The following CREB3L2 variants were observed in gnomAD, a reference collection of about 807,000 sequenced individuals.
CREB3L2 encodes the protein cAMP responsive element binding protein 3 like 2, also known as cyclic AMP-responsive element-binding protein 3-like protein 2.
Under a neutral mutation model 57.2 loss-of-function variants are expected in CREB3L2, and 23 were observed. That is an observed-to-expected ratio of 0.40 (90% CI 0.29 to 0.57). The LOEUF (loss-of-function observed/expected upper bound fraction) is 0.57, where lower values mean the gene tolerates loss of function less well. Ranked by LOEUF, CREB3L2 falls within the 20% of genes least tolerant of loss-of-function variation. CREB3L2 has a pLI of 0.42. For missense variants in CREB3L2, 628 were observed against 634.7 expected (o/e 0.99, Z 0.11); for synonymous variants, 268 against 265.1 (o/e 1.01, Z -0.11).
chr7:137,905,546 G>A (rs1585610895), intron 6 of CREB3L2, among the ~76,000 whole-genome samples, 156 bp downstream of exon 6: 1 of 152,050 alleles, frequency 6.6e-6, no homozygotes, highest in East Asian at 1.9e-4. Flanking sequence ...GGCACGTGGT[G>A]AGGGTGCTCC....
intron 2 of CREB3L2, among the ~76,000 whole-genome samples, chr7:137,920,629 C>T (rs564100574): frequency 6.6e-6 from 1 of 152,306 alleles, no homozygotes; most frequent in African/African-American, 2.4e-5. Flanking sequence ...GAATCTATTA[C>T]AATGAAATGA....
rs1481599660 is a variant in CREB3L2, at chr7:137,876,269, T to C, written c.*4207A>G. The C allele has an allele frequency of 1.3e-5, 3 of 232,446 alleles. No homozygotes were observed. Among genetic ancestry groups the C allele is most frequent in the African/African-American group, 6.6e-5 (3 of 45,154 alleles). 14.4% of individuals were successfully genotyped at this position (232,446 alleles called of 1,614,324 possible). On this transcript the variant is annotated 3_prime_UTR_variant, in exon 12 of 12. Transcript: ENST00000330387. ...CCAGTGACGAGGGATTCCTCAGTCATCCTGGATTTACCTATAAGGCACATT... is the reference window on the plus strand; with the variant it reads ...CCAGTGACGAGGGATTCCTCAGTCACCCTGGATTTACCTATAAGGCACATT...
At chr7:137,956,678 T>C (rs1464228372) in intron 1 of CREB3L2, 1 of 1,258,406 alleles carries the variant, frequency 7.9e-7, no homozygotes. Flanking sequence ...AATTTAACAA[T>C]GATAGTTATT....
intron 8 of CREB3L2, among the ~76,000 whole-genome samples, chr7:137,889,357 C>T (rs1799489295): frequency 6.6e-6 from 1 of 152,172 alleles, no homozygotes; most frequent in Non-Finnish European, 1.5e-5. Flanking sequence ...CTGGAGAGAG[C>T]AGAGAGGGCT....
intron 1 of CREB3L2, among the ~76,000 whole-genome samples, chr7:137,986,958 T>C (rs1801802831): frequency 6.6e-6 from 1 of 152,224 alleles, no homozygotes; most frequent in Non-Finnish European, 1.5e-5. Flanking sequence ...CACTGCACCA[T>C]GCAGGTAACA....
intron 3 of CREB3L2, among the ~76,000 whole-genome samples, chr7:137,914,306 T>C (rs560240583): frequency 6.6e-6 from 1 of 152,234 alleles, no homozygotes; most frequent in South Asian, 2.1e-4. Flanking sequence ...AGCAAGGCCA[T>C]GCCTCTGAGC....
chr7:137,977,821 T>A (rs1488873835), intron 1 of CREB3L2, among the ~76,000 whole-genome samples: 2 of 152,060 alleles, frequency 1.3e-5, no homozygotes, highest in African/African-American at 4.8e-5. Context: ...CTGGGGAGGC[T>A]GAGGCATGAG....
chr7:137,948,266 G>C (rs34100060), intron 1 of CREB3L2, among the ~76,000 whole-genome samples: 13,840 of 152,232 alleles, frequency 0.091, 933 homozygotes, highest in Admixed American at 0.22. Context: ...AAGCCTACTA[G>C]GACTACCTAA....
In CREB3L2 at chr7:137,880,009, G is replaced by A. The variant is rs1799256561; in HGVS notation, c.*467C>T. 1 of 249,460 alleles carries A rather than the reference G, an allele frequency of 4.0e-6. No individual in the cohort carries two copies. Among genetic ancestry groups the A allele is most frequent in the East Asian group, 5.8e-5 (1 of 17,146 alleles). 15.5% of individuals were successfully genotyped at this position (249,460 alleles called of 1,614,324 possible). Reference sequence around the variant, plus strand: ...GCTGCTGTCGGGGGTGTTCACACCAGAGACCCCAGTGCGAGCAACGGAGGA... The same window carrying A: ...GCTGCTGTCGGGGGTGTTCACACCAAAGACCCCAGTGCGAGCAACGGAGGA... On this transcript the variant is annotated 3_prime_UTR_variant, in exon 12 of 12. Transcript: ENST00000330387. The surrounding 1 kb of genome is among the most constrained non-coding windows in gnomAD (Gnocchi z 4.0).
At position 137,879,971 on chromosome 7, in the gene CREB3L2, G is replaced by C. The variant is rs1799255681; in HGVS notation, c.*505C>G. On this transcript the variant is annotated 3_prime_UTR_variant, in exon 12 of 12. Transcript: ENST00000330387. ...ATCCAGCGAGGGCTCCCAGGGGGCA[G>C]AGTGGGCGGAGGGCTGCTGTCGGGG... The C allele has an allele frequency of 4.2e-6, 1 of 238,440 alleles. No individual in the cohort carries two copies. The highest frequency in any genetic ancestry group is 6.0e-5 in the East Asian group (1 of 16,674). 14.8% of individuals were successfully genotyped at this position (238,440 alleles called of 1,614,324 possible).
At chr7:137,979,175 A>G (rs1349307357) in intron 1 of CREB3L2, among the ~76,000 whole-genome samples, 1 of 152,244 alleles carries the variant, frequency 6.6e-6, no homozygotes, top group Non-Finnish European at 1.5e-5. Flanking sequence ...AAGCATGTTC[A>G]GGACACACAG....
At chr7:137,922,386 A>ATGTG (rs1326136428) in intron 2 of CREB3L2, among the ~76,000 whole-genome samples, 1 of 14,986 alleles carries the variant, frequency 6.7e-5, no homozygotes, top group African/African-American at 3.5e-4. Flanking sequence ...ATATATATGT[A>ATGTG]TATATATATA....
chr7:137,884,973 A>T (rs750163112), intron 10 of CREB3L2, 22 bp downstream of exon 10: 4 of 1,614,002 alleles, frequency 2.5e-6, no homozygotes, highest in African/African-American at 1.3e-5. Flanking sequence ...GACCCTGCCC[A>T]ACTTGCCACA....
chr7:137,968,819 C>T (rs1801452611), intron 1 of CREB3L2, among the ~76,000 whole-genome samples: 1 of 152,166 alleles, frequency 6.6e-6, no homozygotes, highest in South Asian at 2.1e-4. Context: ...TGGTGGCTCC[C>T]ACCTTCAACC....
chr7:137,881,791 T>C (rs571012631), intron 11 of CREB3L2, among the ~76,000 whole-genome samples: 2 of 152,190 alleles, frequency 1.3e-5, no homozygotes, highest in African/African-American at 4.8e-5. Flanking sequence ...TAAGCCTTTA[T>C]GTTTACAAAG....
intron 1 of CREB3L2, among the ~76,000 whole-genome samples, chr7:137,960,564 T>A (rs115433180): frequency 0.02 from 2,983 of 152,178 alleles, 113 homozygotes; most frequent in African/African-American, 0.068. Context: ...TTAGGGTCAG[T>A]GGGATATTAG....
intron 1 of CREB3L2, among the ~76,000 whole-genome samples, chr7:137,975,087 A>G (rs1415635828): frequency 1.3e-5 from 2 of 152,238 alleles, no homozygotes; most frequent in African/African-American, 2.4e-5. Context: ...AAGATAAGGT[A>G]TATGAATATC....
At chr7:137,942,006 A>G (rs902018421) in intron 1 of CREB3L2, among the ~76,000 whole-genome samples, 5 of 152,108 alleles carry the variant, frequency 3.3e-5, no homozygotes, top group African/African-American at 1.2e-4. Context: ...CAGTTCATCA[A>G]TTCATAATTG....
At chr7:137,997,998 T>A (rs1415680851) in intron 1 of CREB3L2, among the ~76,000 whole-genome samples, 1 of 152,176 alleles carries the variant, frequency 6.6e-6, no homozygotes, top group Non-Finnish European at 1.5e-5. Context: ...AAATCAGTAC[T>A]CACTGAATTA....
Sources: gnomAD v4.1 joint callset for allele counts (sites outside exome capture counted in the v4.1 genomes callset) on GRCh38, gnomAD v4.1.1 for gene constraint, Gnocchi (gnomAD v3.1) non-coding constraint, MANE v1.5 for transcripts, NCBI Gene and HGNC (gene_info 2026-07-23, HGNC 2026-07-21) for gene names.